TM9SF3: variants seen among roughly 807,000 people sequenced by gnomAD.
TM9SF3 encodes transmembrane 9 superfamily member 3, also known as SM-11044-binding protein.
Under a neutral mutation model 78.6 loss-of-function variants are expected in TM9SF3, and 14 were observed. That is an observed-to-expected ratio of 0.18 (90% CI 0.12 to 0.28). The LOEUF (loss-of-function observed/expected upper bound fraction) is 0.28, where lower values mean the gene tolerates loss of function less well. Among genes scored for constraint, TM9SF3 ranks in the 10% least tolerant of loss-of-function variants. TM9SF3 has a pLI of 1.00. For synonymous variants in TM9SF3, 231 were observed against 241.7 expected (o/e 0.96, Z 0.41); for missense variants, 496 against 721.9 (o/e 0.69, Z 3.59).
intron 5 of TM9SF3, among the ~76,000 whole-genome samples, chr10:96,556,041 T>C (rs1366797040): frequency 6.6e-6 from 1 of 152,228 alleles, no homozygotes; most frequent in Non-Finnish European, 1.5e-5. Context: ...TATTATAATG[T>C]AGTAATAACC....
chr10:96,574,082 T>C (rs112264472), intron 2 of TM9SF3, among the ~76,000 whole-genome samples: 87 of 152,224 alleles, frequency 5.7e-4, no homozygotes, highest in African/African-American at 1.8e-3. Flanking sequence ...CAGGATCTAA[T>C]TAAACTAAAG....
intron 2 of TM9SF3, among the ~76,000 whole-genome samples, chr10:96,566,740 G>A (rs535163497): frequency 4.6e-5 from 7 of 152,156 alleles, no homozygotes; most frequent in East Asian, 3.8e-4. Flanking sequence ...GTGAAGCAAC[G>A]GAGGGTTAAA....
intron 1 of TM9SF3, chr10:96,577,390 C>T (rs1200173631): frequency 2.0e-5 from 3 of 152,236 alleles, no homozygotes; most frequent in Admixed American, 6.5e-5. Flanking sequence ...AGCCAACATT[C>T]TATCTTGTTA....
In TM9SF3 at chr10:96,563,965, T is replaced by C. The variant is rs181133949; in HGVS notation, c.421+1339A>G. The stretch of plus-strand genomic sequence containing the variant: ...TAACACAGGAAAGCACAGTTGCCAC[T>C]GTTGCTAACGAGCCCACAGCTGTGA... On this transcript the variant is annotated intron_variant, in intron 3 of 14. Transcript: ENST00000371142. 3.3e-5 allele frequency among the ~76,000 whole-genome samples: 5 copies of C among 152,176 alleles called. No individual in the cohort carries two copies. The East Asian group carries it at 9.6e-4, about 29-fold the overall frequency.
At chr10:96,522,369 A>T (rs1216562693) in intron 14 of TM9SF3, 39 bp from the exon 15 acceptor site, 1 of 1,484,354 alleles carries the variant, frequency 6.7e-7, no homozygotes, top group African/African-American at 1.5e-5. Context: ...ACAAATACAT[A>T]CAGAGCAGTA....
chr10:96,579,988 A>C (rs1340920525), intron 1 of TM9SF3, among the ~76,000 whole-genome samples: 4 of 152,212 alleles, frequency 2.6e-5, no homozygotes, highest in African/African-American at 4.8e-5. Flanking sequence ...CCTGAGCTCC[A>C]CAGTCTGTGG....
rs191221643 is a variant in TM9SF3 at position 96,557,787 on chromosome 10, T to C, written c.660+1872A>G. Among the ~76,000 whole-genome samples, 811 of 152,338 alleles carry C rather than the reference T, an allele frequency of 5.3e-3. 18 individuals carry two copies. The highest frequency in any genetic ancestry group is 4.8e-3 in the Non-Finnish European group (328 of 68,030). Reference sequence around the variant, plus strand: ...CTTCAAGCTTTTGCTCAACAATCCATTTCAGAGGCTTACCTTGACTACATA... The same window carrying C: ...CTTCAAGCTTTTGCTCAACAATCCACTTCAGAGGCTTACCTTGACTACATA... On this transcript the variant is annotated intron_variant, in intron 5 of 14. Coordinates refer to ENST00000371142, the MANE Select transcript of TM9SF3 (RefSeq NM_020123.4).
chr10:96,577,968 C>A (rs573432840), intron 1 of TM9SF3, among the ~76,000 whole-genome samples: 4 of 152,140 alleles, frequency 2.6e-5, no homozygotes, highest in Non-Finnish European at 5.9e-5. Context: ...CAAAACCAAA[C>A]TCATCTACCC....
intron 5 of TM9SF3, among the ~76,000 whole-genome samples, chr10:96,557,162 G>T (rs892487183): frequency 6.6e-6 from 1 of 152,014 alleles, no homozygotes; most frequent in Admixed American, 6.6e-5. Context: ...TGCAAAATTT[G>T]TATCTCTAGC....
intron 9 of TM9SF3, among the ~76,000 whole-genome samples, chr10:96,534,554 A>G (rs1847933845): frequency 6.6e-6 from 1 of 152,112 alleles, no homozygotes; most frequent in Non-Finnish European, 1.5e-5. Flanking sequence ...AGACCTATAT[A>G]TTTTTCCCTT....
In TM9SF3 at chr10:96,586,809, G is replaced by C; in HGVS notation, c.27C>G (p.Gly9=). ...GCCACAGCGCGGCGGCCGCCGCCAC[G>C]CCAAGAGCGCCAGGCAGCGGCCTCA... MRPLPGAL[G]VAAAAALWLL... is the part of the protein sequence containing the mutation. Residue 9 remains glycine (G), a synonymous_variant, in exon 1 of 15, where the codon GGC becomes GGG. Coordinates refer to ENST00000371142, the MANE Select transcript of TM9SF3 (RefSeq NM_020123.4). The C allele has an allele frequency of 7.9e-7, 1 of 1,268,896 alleles. No individual in the cohort carries two copies. The highest frequency in any genetic ancestry group is 2.7e-5 in the South Asian group (1 of 37,360). 78.6% of individuals were successfully genotyped at this position (1,268,896 alleles called of 1,614,324 possible).
At chr10:96,583,274 G>C (rs1848593357) in intron 1 of TM9SF3, among the ~76,000 whole-genome samples, 1 of 152,114 alleles carries the variant, frequency 6.6e-6, no homozygotes, top group Non-Finnish European at 1.5e-5. Context: ...GAAAAATACA[G>C]AGCCCCTTGT....
intron 4 of TM9SF3, chr10:96,560,754 A>G (rs1436209881): frequency 3.5e-6 from 2 of 570,840 alleles, no homozygotes; most frequent in Admixed American, 1.9e-5. Flanking sequence ...TCCAGCCAAA[A>G]ATGCACAAAA....
rs2134125985 is a variant in TM9SF3, at chr10:96,521,749, A to G, written c.*514T>C. On this transcript the variant is annotated 3_prime_UTR_variant, in exon 15 of 15. Coordinates refer to ENST00000371142, the MANE Select transcript of TM9SF3 (RefSeq NM_020123.4). Reference sequence around the variant, plus strand: ...GGGAAAAAAAAAAAGTCAAAAAAGAACCCAGATTCAATATATAAAAATGTC... The same window carrying G: ...GGGAAAAAAAAAAAGTCAAAAAAGAGCCCAGATTCAATATATAAAAATGTC... The G allele has an allele frequency of 6.6e-6, 1 of 152,042 alleles. No individual in the cohort carries two copies. 9.4% of individuals were successfully genotyped at this position (152,042 alleles called of 1,614,324 possible).
chr10:96,530,915 A>G (rs1191652253), intron 10 of TM9SF3, among the ~76,000 whole-genome samples: 2 of 152,198 alleles, frequency 1.3e-5, no homozygotes, highest in Non-Finnish European at 2.9e-5. Context: ...CTAGACTCCC[A>G]TAACTTCTTA....
chr10:96,525,945 CAG>C lies in TM9SF3; in HGVS notation c.1702+1266_1702+1267del, dbSNP rs1387951897. 5.3e-5 allele frequency among the ~76,000 whole-genome samples: 8 copies of C among 152,132 alleles called. No homozygotes were observed. In the East Asian group the frequency reaches 1.2e-3, roughly 22 times the overall value. On this transcript the variant is annotated intron_variant, in intron 14 of 14. Coordinates refer to ENST00000371142, the MANE Select transcript of TM9SF3 (RefSeq NM_020123.4). The stretch of plus-strand genomic sequence containing the variant: ...TGAAAACACAAGGTGTAGAATCCCA[CAG>C]AGACTGTGCAGAAACACAGACACAA...
In TM9SF3 at chr10:96,539,864, A is replaced by G. The variant is rs1468072783; in HGVS notation, c.1185+4212T>C. Reference sequence around the variant, plus strand: ...CTATCATCACCACCACCAGCACAGCAACAAAGAAAACTAACTACGGGAGAG... The same window carrying G: ...CTATCATCACCACCACCAGCACAGCGACAAAGAAAACTAACTACGGGAGAG... On this transcript the variant is annotated intron_variant, in intron 9 of 14. Transcript: ENST00000371142. Among the ~76,000 whole-genome samples the G allele has an allele frequency of 2.0e-5, 3 of 152,330 alleles. No individual in the cohort carries two copies. The East Asian group carries it at 5.8e-4, about 29-fold the overall frequency.
rs865926819 is a variant in TM9SF3 at position 96,544,695 on chromosome 10, T to G, written c.1055-489A>C. The stretch of plus-strand genomic sequence containing the variant: ...TCAACAGTTACACATTGGAGTTTCA[T>G]GTAAGTTTTCATTTGAAAAGCAGGT... On this transcript the variant is annotated intron_variant, in intron 8 of 14. Transcript: ENST00000371142. 3.4e-4 allele frequency among the ~76,000 whole-genome samples: 52 copies of G among 152,170 alleles called. No individual in the cohort carries two copies. In the Middle Eastern group the frequency reaches 0.02, roughly 60 times the overall value.
intron 13 of TM9SF3, 34 bp from the exon 14 acceptor site, chr10:96,527,323 GT>G: frequency 6.3e-7 from 1 of 1,597,286 alleles, no homozygotes; most frequent in African/African-American, 1.3e-5. Flanking sequence ...AGGATATCCA[GT>G]TTTACTTTCA....
Sources: gnomAD v4.1 joint callset for allele counts (sites outside exome capture counted in the v4.1 genomes callset) on GRCh38, gnomAD v4.1.1 for gene constraint, MANE v1.5 for transcripts, NCBI Gene and HGNC (gene_info 2026-07-23, HGNC 2026-07-21) for gene names.